OR5T2: variants seen among roughly 807,000 people sequenced by gnomAD.
OR5T2 encodes the protein olfactory receptor 5T2.
A neutral mutation model predicts 13.7 loss-of-function variants in OR5T2; 12 were observed. The observed-to-expected ratio is 0.88, with a 90% CI of 0.56 to 1.42. The LOEUF (loss-of-function observed/expected upper bound fraction) is 1.42. Among genes scored for constraint, OR5T2 ranks in the 40% most tolerant of loss-of-function variants. The pLI, the probability that OR5T2 is intolerant of heterozygous loss-of-function variation, is 0.00. For synonymous variants in OR5T2, 146 were observed against 139.5 expected, an observed-to-expected ratio of 1.05 and a Z score of -0.33; for missense variants, 475 against 372.0, an observed-to-expected ratio of 1.28 and a Z score of -2.28.
intron 1 of OR5T2, among the ~76,000 whole-genome samples, chr11:56,233,709 A>G (rs1050644987): frequency 6.6e-6 from 1 of 152,110 alleles, no homozygotes; most frequent in Non-Finnish European, 1.5e-5. Context: ...GATTTTTTTC[A>G]TCTGCTCATT....
chr11:56,232,704 C>T lies in OR5T2; in HGVS notation c.359G>A (p.Arg120His), dbSNP rs770835107. 3.8e-5 allele frequency: 62 copies of T among 1,613,968 alleles called. No homozygotes were observed. Among genetic ancestry groups the T allele is most frequent in the Middle Eastern group, 1.6e-4 (1 of 6,084 alleles). The change falls in exon 2 of 2, where the codon CGC (arginine) becomes CAC (histidine). Residue 120 changes from arginine (R) to histidine (H), a missense_variant. Arg to His is a conservative substitution (Grantham distance 29, BLOSUM62 0). Transcript: ENST00000641661. ...GAGAGGGTTGTAGATGGCTACATAG[C>T]GATCATAAGCCATTGCAGCCAAGAG... is the stretch of plus-strand genomic sequence containing the variant. ...CFLLAAMAYD[R>H]YVAIYNPLLY...
chr11:56,232,852 A>G lies in OR5T2; in HGVS notation c.211T>C (p.Tyr71His). 3.1e-6 allele frequency: 5 copies of G among 1,612,940 alleles called. No individual in the cohort carries two copies. The highest frequency in any genetic ancestry group is 1.1e-5 in the South Asian group (1 of 90,966). ...ATATTTGGGGTAATAACTGAGGAAT[A>G]GCAGGCATCCACAGAAGACAACATA... The part of the protein sequence containing the change: ...LSMLSSVDAC[Y>H]SSVITPNMLV... The change falls in exon 2 of 2, where the codon TAT becomes CAT. Residue 71 changes from tyrosine to histidine, a missense_variant. Transcript: ENST00000641661.
Position 56,232,541 on chromosome 11 carries a change from A to G in OR5T2, c.522T>C (p.Arg174=). The change falls in exon 2 of 2, where the codon CGT becomes CGC. Residue 174 remains arginine (R), a synonymous_variant. Transcript: ENST00000641661. The part of the protein sequence containing the change: ...LSFCGANEIR[R]VFCDIPPLLA... ...GGAGAGGAGGGATATCACAAAAGAC[A>G]CGCCTAATTTCATTGGCTCCACAGA... The G allele has an allele frequency of 6.2e-7, 1 of 1,613,420 alleles. No individual in the cohort carries two copies. Among genetic ancestry groups the G allele is most frequent in the Non-Finnish European group, 8.5e-7 (1 of 1,179,648 alleles).
chr11:56,231,968 C>T lies in OR5T2; in HGVS notation c.*138G>A, dbSNP rs1338246632. The stretch of plus-strand genomic sequence containing the variant: ...CCTGCCCCTGAGGTATAACACCCAA[C>T]ATTATAACAAAAGACTGTAACAAAG... On this transcript the variant is annotated 3_prime_UTR_variant, in exon 2 of 2. Transcript: ENST00000641661. The T allele has an allele frequency of 2.9e-6, 2 of 700,618 alleles. No homozygotes were observed. The highest frequency in any genetic ancestry group is 2.2e-6 in the Non-Finnish European group (1 of 452,866). 43.4% of individuals were successfully genotyped at this position (700,618 alleles called of 1,614,324 possible).
Position 56,232,199 on chromosome 11 carries a change from G to T in OR5T2, c.864C>A (p.Tyr288Ter), listed in dbSNP as rs775947729. ...IVIPLLNPVI[Y>*]SLRNKDVKDS... Reference sequence around the variant, plus strand: ...CTTTTACATCTTTGTTCCTCAAACTGTAGATGACGGGATTCAGCAAGGGAA... The same window carrying T: ...CTTTTACATCTTTGTTCCTCAAACTTTAGATGACGGGATTCAGCAAGGGAA... Residue 288 changes from tyrosine to a stop codon, truncating the protein, a stop_gained, in exon 2 of 2, where the codon TAC becomes TAA. Transcript: ENST00000641661. LOFTEE classifies it high-confidence loss of function. 1 of 1,610,768 alleles carries T rather than the reference G, an allele frequency of 6.2e-7. No homozygotes were observed. Among genetic ancestry groups the T allele is most frequent in the Non-Finnish European group, 8.5e-7 (1 of 1,178,558 alleles).
rs2134761499 is a variant in OR5T2, at chr11:56,231,909, T to G, written c.*197A>C. ...GGCAGACATTGGAACCCAGCCTTGG[T>G]GCAAGTGAAAGGAGGGCAGGAGAAG... On this transcript the variant is annotated 3_prime_UTR_variant, in exon 2 of 2. Coordinates refer to ENST00000641661, the MANE Select transcript of OR5T2 (RefSeq NM_001004746.4). The G allele has an allele frequency of 6.5e-6, 3 of 460,984 alleles. No homozygotes were observed. The East Asian group carries it at 1.0e-4, about 16-fold the overall frequency. The allele number at this position is 460,984 out of a possible 1,614,324, so 28.6% of individuals were successfully genotyped here. A position where few individuals can be genotyped will look rare whatever the true frequency, so the allele number is the denominator to read the frequency against.
In OR5T2 at chr11:56,233,276, A is replaced by G; in HGVS notation, c.-202-12T>C. ...GTTCATGCCACTCACTGCAGAATCA[A>G]ATGGAAGAAATGGACGTTCATTAGT... On this transcript the variant is annotated splice_polypyrimidine_tract_variant and intron_variant, in intron 1 of 1. Coordinates refer to ENST00000641661, the MANE Select transcript of OR5T2 (RefSeq NM_001004746.4). 1.0e-6 allele frequency: 1 copy of G among 967,066 alleles called. No individual in the cohort carries two copies. The highest frequency in any genetic ancestry group is 2.8e-5 in the Admixed American group (1 of 35,632). 59.9% of individuals were successfully genotyped at this position (967,066 alleles called of 1,614,324 possible).
chr11:56,232,078 G>T lies in OR5T2; in HGVS notation c.*28C>A, dbSNP rs1231481775. The T allele has an allele frequency of 1.3e-6, 2 of 1,488,940 alleles. No homozygotes were observed. The highest frequency in any genetic ancestry group is 2.8e-5 in the South Asian group (2 of 72,082). 92.2% of individuals were successfully genotyped at this position (1,488,940 alleles called of 1,614,324 possible). A position where few individuals can be genotyped will look rare whatever the true frequency, so the allele number is the denominator to read the frequency against. On this transcript the variant is annotated 3_prime_UTR_variant, in exon 2 of 2. Coordinates refer to ENST00000641661, the MANE Select transcript of OR5T2 (RefSeq NM_001004746.4). The stretch of plus-strand genomic sequence containing the variant: ...AATGACACATTCTTGGTATTGAGGT[G>T]CAGAGTATCACCCTCACCTTTTATA...
In OR5T2 at chr11:56,232,188, T is replaced by C. The variant is rs181038580; in HGVS notation, c.875A>G (p.Asn292Ser). Residue 292 changes from asparagine (N) to serine (S), a missense_variant, in exon 2 of 2, where the codon AAC (asparagine) becomes AGC (serine). Asn to Ser is a conservative substitution (Grantham distance 46, BLOSUM62 1). Transcript: ENST00000641661. ...TTTCATTGAGTCTTTTACATCTTTG[T>C]TCCTCAAACTGTAGATGACGGGATT... is the stretch of plus-strand genomic sequence containing the variant. ...LLNPVIYSLR[N>S]KDVKDSMKKM... is the part of the protein sequence containing the mutation. 3.7e-5 allele frequency: 60 copies of C among 1,606,558 alleles called. No individual in the cohort carries two copies. In the East Asian group the frequency reaches 1.2e-3, roughly 33 times the overall value.
rs1273143394 is a variant in OR5T2, at chr11:56,233,023, C to T, written c.40G>A (p.Gly14Ser). The T allele has an allele frequency of 1.2e-6, 2 of 1,604,924 alleles. No homozygotes were observed. Among genetic ancestry groups the T allele is most frequent in the South Asian group, 2.2e-5 (2 of 90,292 alleles). ...VTEVTLFVLK[G>S]FTDNLELQTI... is the part of the protein sequence containing the mutation. ...TGCAGTTCAAGATTGTCTGTGAAGC[C>T]CTTCAGTACAAATAAGGTAACTTCA... Residue 14 changes from glycine (G) to serine (S), a missense_variant, in exon 2 of 2, where the codon GGC becomes AGC. By Grantham distance (56) the Gly-to-Ser change is moderately conservative (BLOSUM62 0). Coordinates refer to ENST00000641661, the MANE Select transcript of OR5T2 (RefSeq NM_001004746.4).
chr11:56,233,296 A>C, intron 1 of OR5T2, 32 bp from the exon 2 acceptor site: 1 of 837,162 alleles, frequency 1.2e-6, no homozygotes, highest in Non-Finnish European at 1.7e-6. Context: ...ATGGACGTTC[A>C]TTAGTTGGCT....
Position 56,232,398 on chromosome 11 carries a change from G to T in OR5T2, c.665C>A (p.Ala222Asp). The change falls in exon 2 of 2, where the codon GCC becomes GAC. Residue 222 changes from alanine to aspartate, a missense_variant. Ala to Asp is a moderately radical substitution (Grantham distance 126, BLOSUM62 -2). Coordinates refer to ENST00000641661, the MANE Select transcript of OR5T2 (RefSeq NM_001004746.4). ...VLISYGLILL[A>D]ILKMYSAEGR... ...TTCAGCAGAATACATCTTCAGAATG[G>T]CCAACAGAATCAAACCATAGGAGAT... 1 of 1,610,578 alleles carries T rather than the reference G, an allele frequency of 6.2e-7. No homozygotes were observed. The highest frequency in any genetic ancestry group is 1.1e-5 in the South Asian group (1 of 90,658).
intron 1 of OR5T2, among the ~76,000 whole-genome samples, chr11:56,233,725 G>A (rs1009193724): frequency 6.6e-6 from 1 of 151,772 alleles, no homozygotes; most frequent in African/African-American, 2.4e-5. Flanking sequence ...TCATTCAAAT[G>A]TCTCTGAATT....
Position 56,231,784 on chromosome 11 carries a change from C to T in OR5T2, c.*322G>A, listed in dbSNP as rs143582745. The T allele has an allele frequency of 6.6e-5, 13 of 197,136 alleles. No individual in the cohort carries two copies. The East Asian group carries it at 1.4e-3, about 22-fold the overall frequency. The allele number at this position is 197,136 out of a possible 1,614,324, so 12.2% of individuals were successfully genotyped here. A position where few individuals can be genotyped will look rare whatever the true frequency, so the allele number is the denominator to read the frequency against. On this transcript the variant is annotated 3_prime_UTR_variant, in exon 2 of 2. Transcript: ENST00000641661. ...CCCCAGAAGCTCACTGAACCCTATC[C>T]TCCTAGGTTCTATGGAAGCTTCAAG...
Position 56,231,873 on chromosome 11 carries a change from A to T in OR5T2, c.*233T>A. ...CTCTCATGGGAGAGTCTTAAGATTCACAATCAGTAAGGCAGACATTGGAAC... is the reference window on the plus strand; with the variant it reads ...CTCTCATGGGAGAGTCTTAAGATTCTCAATCAGTAAGGCAGACATTGGAAC... On this transcript the variant is annotated 3_prime_UTR_variant, in exon 2 of 2. Coordinates refer to ENST00000641661, the MANE Select transcript of OR5T2 (RefSeq NM_001004746.4). The T allele has an allele frequency of 2.6e-6, 1 of 381,948 alleles. No individual in the cohort carries two copies. Among genetic ancestry groups the T allele is most frequent in the Non-Finnish European group, 4.6e-6 (1 of 216,776 alleles). 23.7% of individuals were successfully genotyped at this position (381,948 alleles called of 1,614,324 possible).
rs1853310985 is a variant in OR5T2 at position 56,232,882 on chromosome 11, G to C, written c.181C>G (p.Leu61Val). 1 of 1,612,016 alleles carries C rather than the reference G, an allele frequency of 6.2e-7. No individual in the cohort carries two copies. Among genetic ancestry groups the C allele is most frequent in the South Asian group, 1.1e-5 (1 of 90,816 alleles). Residue 61 changes from leucine (L) to valine (V), a missense_variant, in exon 2 of 2, where the codon CTG becomes GTG. Coordinates refer to ENST00000641661, the MANE Select transcript of OR5T2 (RefSeq NM_001004746.4). ...GCATCCACAGAAGACAACATACTCA[G>C]AAAATAGTACATGGGTTTGTGGAGC... The part of the protein sequence containing the change: ...SQLHKPMYYF[L>V]SMLSSVDACY...
chr11:56,233,782 T>C (rs1247895499), intron 1 of OR5T2, among the ~76,000 whole-genome samples: 1 of 152,008 alleles, frequency 6.6e-6, no homozygotes, highest in Non-Finnish European at 1.5e-5. Flanking sequence ...GATCATTTTA[T>C]GCCAAAAATA....
At position 56,232,729 on chromosome 11, in the gene OR5T2, G is replaced by T; in HGVS notation, c.334C>A (p.Leu112Ile). The T allele has an allele frequency of 1.2e-6, 2 of 1,614,168 alleles. No individual in the cohort carries two copies. Among genetic ancestry groups the T allele is most frequent in the Non-Finnish European group, 1.7e-6 (2 of 1,180,018 alleles). The change falls in exon 2 of 2, where the codon CTC becomes ATC. Residue 112 changes from leucine to isoleucine, a missense_variant. Transcript: ENST00000641661. ...ACSFGTTECF[L>I]LAAMAYDRYV... ...CGATCATAAGCCATTGCAGCCAAGA[G>T]AAAGCATTCTGTGGTTCCAAAACTA...
rs781279185 is a variant in OR5T2, at chr11:56,232,226, C to T, written c.837G>A (p.Val279=). The change falls in exon 2 of 2, where the codon GTG becomes GTA. Residue 279 remains valine (V), a synonymous_variant. Coordinates refer to ENST00000641661, the MANE Select transcript of OR5T2 (RefSeq NM_001004746.4). ...AGATGACGGGATTCAGCAAGGGAAT[C>T]ACAATGGTGTAAAATATTGACACTA... ...DMIVSIFYTI[V]IPLLNPVIYS... is the part of the protein sequence containing the mutation. The T allele has an allele frequency of 6.2e-7, 1 of 1,613,472 alleles. No homozygotes were observed. Among genetic ancestry groups the T allele is most frequent in the East Asian group, 2.2e-5 (1 of 44,874 alleles).
Sources: gnomAD v4.1 joint callset for allele counts (sites outside exome capture counted in the v4.1 genomes callset) on GRCh38, gnomAD v4.1.1 for gene constraint, MANE v1.5 for transcripts, NCBI Gene and HGNC (gene_info 2026-07-23, HGNC 2026-07-21) for gene names.